The following C13orf46 variants were observed in gnomAD, a reference collection of about 807,000 sequenced individuals.
C13orf46 encodes chromosome 13 open reading frame 46.
the C13orf46 span, among the ~76,000 whole-genome samples, chr13:113,934,757 G>A: frequency 1.3e-5 from 2 of 152,228 alleles, no homozygotes; most frequent in Admixed American, 6.5e-5. Context: ...GTGTCGCTGC[G>A]GAGATGTGCT....
chr13:113,968,227 C>A (rs1190733353), intron 4 of C13orf46, among the ~76,000 whole-genome samples: 3 of 152,180 alleles, frequency 2.0e-5, no homozygotes, highest in Non-Finnish European at 4.4e-5. Flanking sequence ...CCTCATACAC[C>A]TTTAGTGACT....
In C13orf46 at chr13:113,966,102, ATGATGATGATGG is replaced by A. The variant is rs1325964087; in HGVS notation, c.505-1120_505-1109del. On this transcript the variant is annotated intron_variant, in intron 5 of 6. Transcript: ENST00000636427. ...TGTGATGATGGTATTAATGATGGTG[ATGATGATGATGG>A]TGATGATGGTGATTATAATGGTGAT... Among the ~76,000 whole-genome samples the A allele has an allele frequency of 1.4e-4, 17 of 122,774 alleles. No homozygotes were observed. The East Asian group carries it at 3.2e-3, about 23-fold the overall frequency. The allele number at this position is 122,774 out of a possible 152,430, so 80.5% of individuals were successfully genotyped here.
intron 5 of C13orf46, among the ~76,000 whole-genome samples, chr13:113,965,680 GTGATGA>G (rs1187001466): frequency 8.7e-6 from 1 of 114,708 alleles, no homozygotes; most frequent in African/African-American, 2.8e-5. Context: ...AATGGTGATG[GTGATGA>G]TGATGGTGAC....
chr13:113,948,136 G>C, the C13orf46 span, among the ~76,000 whole-genome samples: 1 of 152,186 alleles, frequency 6.6e-6, no homozygotes, highest in Non-Finnish European at 1.5e-5. Flanking sequence ...ATTTATATCT[G>C]GCAATTTTTT....
At chr13:113,937,693 C>T in the C13orf46 span, among the ~76,000 whole-genome samples, 105 of 152,248 alleles carry the variant, frequency 6.9e-4, no homozygotes, top group African/African-American at 2.3e-3. Context: ...ATCGGATGAA[C>T]GCTGGTTCGG....
intron 6 of C13orf46, among the ~76,000 whole-genome samples, chr13:113,961,221 GA>G (rs2052583727): frequency 6.6e-6 from 1 of 152,094 alleles, no homozygotes; most frequent in African/African-American, 2.4e-5. Flanking sequence ...AATGATAAAT[GA>G]TACTAAATCT....
the C13orf46 span, among the ~76,000 whole-genome samples, chr13:113,931,392 C>T: frequency 2.0e-5 from 3 of 152,348 alleles, no homozygotes; most frequent in African/African-American, 4.8e-5. Context: ...CATTTGTAGA[C>T]TTTCCAAATA....
downstream of C13orf46, among the ~76,000 whole-genome samples, chr13:113,952,097 C>A (rs1475739501): frequency 2.6e-5 from 4 of 152,248 alleles, no homozygotes; most frequent in Non-Finnish European, 5.9e-5. Flanking sequence ...CTCGCCCTTT[C>A]CCACATCACC....
chr13:113,965,368 A>G (rs926458003), intron 5 of C13orf46, among the ~76,000 whole-genome samples: 7 of 152,256 alleles, frequency 4.6e-5, no homozygotes, highest in African/African-American at 1.7e-4. Context: ...ACTGACCCCC[A>G]GGAAGGAGCT....
the C13orf46 span, among the ~76,000 whole-genome samples, chr13:113,943,522 G>C: frequency 1.9e-3 from 284 of 152,340 alleles, 3 homozygotes; most frequent in African/African-American, 6.6e-3. Flanking sequence ...GAGGCCTTCA[G>C]GTAGCAGCTT....
Position 113,968,454 on chromosome 13 carries a change from G to A in C13orf46, c.456+13C>T, listed in dbSNP as rs1273105981. ...CCCTTCTCACTTCTATTACTAAAGG[G>A]AAAAGCTCTTACCTCTTCTTCCTGA... On this transcript the variant is annotated intron_variant, in intron 4 of 6. Coordinates refer to ENST00000636427, the MANE Select transcript of C13orf46 (RefSeq NM_001365455.2). The A allele has an allele frequency of 6.6e-6, 1 of 152,242 alleles. No individual in the cohort carries two copies. The highest frequency in any genetic ancestry group is 1.9e-4 in the East Asian group (1 of 5,190). The allele number at this position is 152,242 out of a possible 1,614,324, so 9.4% of individuals were successfully genotyped here.
the C13orf46 span, among the ~76,000 whole-genome samples, chr13:113,938,943 C>T: frequency 6.6e-6 from 1 of 152,140 alleles, no homozygotes; most frequent in Non-Finnish European, 1.5e-5. Context: ...GTGCACACCA[C>T]AGCACCTGCG....
chr13:113,943,661 A>C, the C13orf46 span, among the ~76,000 whole-genome samples: 4 of 152,140 alleles, frequency 2.6e-5, no homozygotes, highest in Non-Finnish European at 5.9e-5. Flanking sequence ...GTTACATTTT[A>C]AGAGGGCTCT....
chr13:113,966,643 C>A (rs936796866), intron 5 of C13orf46, among the ~76,000 whole-genome samples: 26 of 150,724 alleles, frequency 1.7e-4, no homozygotes, highest in African/African-American at 4.4e-4. Flanking sequence ...GATGATGATG[C>A]TGCTGATGGG....
intron 4 of C13orf46, 104 bp downstream of exon 4, chr13:113,968,363 G>A (rs910725144): frequency 0.13 from 20,208 of 152,234 alleles, 1,720 homozygotes; most frequent in Middle Eastern, 0.2. Context: ...CGCCTGCTGA[G>A]CTGACCCCCA....
At chr13:113,948,740 C>T (rs944296595), downstream of C13orf46, among the ~76,000 whole-genome samples, 5 of 152,318 alleles carry the variant, frequency 3.3e-5, no homozygotes, top group Admixed American at 6.5e-5. Context: ...ATGAGCTTAT[C>T]ACCTAAAACT....
chr13:113,957,284 TGG>T (rs1348952520), intron 6 of C13orf46, among the ~76,000 whole-genome samples: 1 of 121,090 alleles, frequency 8.3e-6, no homozygotes, highest in South Asian at 2.8e-4. Flanking sequence ...TCAAGCACAC[TGG>T]GGGGTCTCCC....
At chr13:113,943,127 C>T in the C13orf46 span, among the ~76,000 whole-genome samples, 3 of 152,174 alleles carry the variant, frequency 2.0e-5, no homozygotes, top group African/African-American at 2.4e-5. Flanking sequence ...CAGACAGCAG[C>T]GTTGGCTCCT....
the C13orf46 span, chr13:113,926,717 C>T: frequency 2.0e-5 from 3 of 152,136 alleles, no homozygotes; most frequent in African/African-American, 4.8e-5. Context: ...CAGCAAATGC[C>T]GCCGAAGTAT....
Sources: gnomAD v4.1 joint callset for allele counts (sites outside exome capture counted in the v4.1 genomes callset) on GRCh38, gnomAD v4.1.1 for gene constraint, MANE v1.5 for transcripts, NCBI Gene and HGNC (gene_info 2026-07-23, HGNC 2026-07-21) for gene names.